The following LRRC4C variants were observed in gnomAD, a reference collection of about 807,000 sequenced individuals.
LRRC4C encodes leucine rich repeat containing 4C.
LRRC4C carries 5 observed loss-of-function variants against 33.6 expected under a neutral mutation model. The ratio of observed to expected loss-of-function variants is 0.15; its 90% CI spans 0.08 to 0.31. LRRC4C has a LOEUF of 0.31. Ranked by LOEUF, LRRC4C falls within the 10% of genes least tolerant of loss-of-function variation. The pLI is 1.00. For synonymous variants in LRRC4C, 329 were observed against 302.0 expected (o/e 1.09, Z -0.93); for missense variants, 560 against 796.7 (o/e 0.70, Z 3.58).
intron 2 of LRRC4C, among the ~76,000 whole-genome samples, chr11:40,838,841 T>C (rs1286951797): frequency 6.6e-6 from 1 of 152,068 alleles, no homozygotes; most frequent in Non-Finnish European, 1.5e-5. Context: ...AAGCCATCTC[T>C]TATAATTATT....
chr11:40,246,908 T>C (rs1239020724), intron 4 of LRRC4C, among the ~76,000 whole-genome samples: 1 of 152,194 alleles, frequency 6.6e-6, no homozygotes, highest in Admixed American at 6.5e-5. Context: ...CCATGACTTA[T>C]CAGAAATCTA....
At chr11:40,905,817 C>T (rs141145832) in intron 2 of LRRC4C, among the ~76,000 whole-genome samples, 1 of 152,126 alleles carries the variant, frequency 6.6e-6, no homozygotes, top group African/African-American at 2.4e-5. Context: ...AGATGCTGTG[C>T]CTATTGTCCA....
intron 3 of LRRC4C, among the ~76,000 whole-genome samples, chr11:40,574,720 C>T (rs61886245): frequency 6.6e-6 from 1 of 152,138 alleles, no homozygotes; most frequent in South Asian, 2.1e-4. Context: ...GCTGCACTCT[C>T]CCCTTTCTTT....
chr11:40,409,581 A>G (rs1950081315), intron 3 of LRRC4C, among the ~76,000 whole-genome samples: 2 of 152,078 alleles, frequency 1.3e-5, no homozygotes, highest in South Asian at 4.1e-4. Context: ...AAAATGGACA[A>G]AGGACCTGAA....
chr11:40,617,402 A>C (rs1282359880), intron 3 of LRRC4C, among the ~76,000 whole-genome samples: 1 of 151,690 alleles, frequency 6.6e-6, no homozygotes, highest in South Asian at 2.1e-4. Context: ...CTATTTTCCT[A>C]GTCAAGGAAC....
At position 41,370,474 on chromosome 11, in the gene LRRC4C, T is replaced by G. The variant is rs563679803; in HGVS notation, c.-496+88957A>C. Among the ~76,000 whole-genome samples the G allele has an allele frequency of 5.3e-5, 8 of 152,226 alleles. No individual in the cohort carries two copies. The East Asian group carries it at 1.5e-3, about 29-fold the overall frequency. Reference sequence around the variant, plus strand: ...ATGGGGGCGGCTCCCCCCATACTGCTCTCGTGGTAGTGAATAAGTCCTAAG... The same window carrying G: ...ATGGGGGCGGCTCCCCCCATACTGCGCTCGTGGTAGTGAATAAGTCCTAAG... On this transcript the variant is annotated intron_variant, in intron 1 of 6. Coordinates refer to ENST00000528697, the MANE Select transcript of LRRC4C (RefSeq NM_001258419.2).
At chr11:40,466,264 T>C (rs527935343) in intron 3 of LRRC4C, among the ~76,000 whole-genome samples, 1 of 151,928 alleles carries the variant, frequency 6.6e-6, no homozygotes, top group South Asian at 2.1e-4. Context: ...AAGTTACAAA[T>C]GTGGGAGAAT....
chr11:41,314,826 C>T (rs1035693680), intron 1 of LRRC4C, among the ~76,000 whole-genome samples: 19 of 152,124 alleles, frequency 1.2e-4, no homozygotes, highest in Admixed American at 3.9e-4. Context: ...AGTAAAGAGA[C>T]GACCCCAGCT....
chr11:41,355,685 C>T (rs944253715), intron 1 of LRRC4C, among the ~76,000 whole-genome samples: 4 of 151,896 alleles, frequency 2.6e-5, no homozygotes, highest in Admixed American at 6.6e-5. Context: ...ATATCACATA[C>T]GGTATTTCTA....
intron 4 of LRRC4C, among the ~76,000 whole-genome samples, chr11:40,268,809 T>A (rs1942472655): frequency 6.6e-6 from 1 of 152,100 alleles, no homozygotes; most frequent in Non-Finnish European, 1.5e-5. Flanking sequence ...ATCCCTGGAG[T>A]CTGAAAATGC....
chr11:40,653,505 G>A (rs1485838689), intron 2 of LRRC4C, among the ~76,000 whole-genome samples: 1 of 152,080 alleles, frequency 6.6e-6, no homozygotes, highest in South Asian at 2.1e-4. Context: ...GATGATTTAG[G>A]GTATCTGGCA....
At chr11:40,963,266 C>T (rs1035709144) in intron 1 of LRRC4C, among the ~76,000 whole-genome samples, 3 of 151,796 alleles carry the variant, frequency 2.0e-5, no homozygotes, top group African/African-American at 4.8e-5. Flanking sequence ...GCTATTACAG[C>T]GAACATTAGT....
chr11:40,340,453 A>T (rs1469984271), intron 3 of LRRC4C, among the ~76,000 whole-genome samples: 1 of 152,140 alleles, frequency 6.6e-6, no homozygotes, highest in African/African-American at 2.4e-5. Context: ...CTCTAAATAC[A>T]TTGGGACTGA....
intron 3 of LRRC4C, among the ~76,000 whole-genome samples, chr11:40,544,022 GC>G (rs1158164199): frequency 6.6e-6 from 1 of 152,030 alleles, no homozygotes; most frequent in East Asian, 1.9e-4. Context: ...AGAAAGAAAA[GC>G]CCCTGTAGCC....
intron 2 of LRRC4C, among the ~76,000 whole-genome samples, chr11:40,912,197 G>T (rs1340242415): frequency 6.6e-6 from 1 of 151,960 alleles, no homozygotes; most frequent in African/African-American, 2.4e-5. Flanking sequence ...TACAGAGAAT[G>T]CCACAAAGAT....
intron 1 of LRRC4C, among the ~76,000 whole-genome samples, chr11:41,190,945 A>C (rs1262935678): frequency 6.6e-6 from 1 of 152,138 alleles, no homozygotes; most frequent in African/African-American, 2.4e-5. Context: ...TTGTATATCC[A>C]GATAATGAGA....
intron 5 of LRRC4C, among the ~76,000 whole-genome samples, chr11:40,149,090 T>C (rs1230087667): frequency 6.6e-6 from 1 of 152,210 alleles, no homozygotes; most frequent in African/African-American, 2.4e-5. Context: ...CCCTGTACTA[T>C]AGTTTGAAGT....
Position 41,325,566 on chromosome 11 carries a change from G to GTTTT in LRRC4C, c.-496+133861_-496+133864dup, listed in dbSNP as rs71466927. The stretch of plus-strand genomic sequence containing the variant: ...ATAAGGAAAAATTATTGTCCTTATA[G>GTTTT]TTTTTTTTTTTTGTGTGTGTGTGTG... On this transcript the variant is annotated intron_variant, in intron 1 of 6. Coordinates refer to ENST00000528697, the MANE Select transcript of LRRC4C (RefSeq NM_001258419.2). 1.8e-3 allele frequency among the ~76,000 whole-genome samples: 195 copies of GTTTT among 106,472 alleles called. 3 individuals are homozygous for GTTTT. Among genetic ancestry groups the GTTTT allele is most frequent in the African/African-American group, 7.4e-3 (188 of 25,530 alleles). 69.8% of individuals were successfully genotyped at this position (106,472 alleles called of 152,430 possible).
chr11:40,942,803 A>G (rs1477716587), intron 1 of LRRC4C, among the ~76,000 whole-genome samples: 1 of 152,190 alleles, frequency 6.6e-6, no homozygotes, highest in African/African-American at 2.4e-5. Context: ...AGATACTAGT[A>G]ATAAAGAAAA....
Sources: allele counts gnomAD v4.1 joint callset (sites outside exome capture counted in the v4.1 genomes callset), GRCh38; gene constraint gnomAD v4.1.1; transcripts MANE v1.5; gene names NCBI Gene and HGNC (gene_info 2026-07-23, HGNC 2026-07-21).